The following ANK3 variants were observed in gnomAD, a reference collection of about 807,000 sequenced individuals.
ANK3 encodes the protein ankyrin-3.
In ANK3, 57 loss-of-function variants were observed where a neutral mutation model predicts 370.9. The ratio of observed to expected loss-of-function variants is 0.15; its 90% CI spans 0.12 to 0.19. ANK3 has a LOEUF of 0.19. Ranked by LOEUF, ANK3 falls within the 10% of genes least tolerant of loss-of-function variation. ANK3 has a pLI of 1.00. For missense variants in ANK3, 4,439 were observed against 5,302.1 expected (o/e 0.84, Z 5.06); for synonymous variants, 1,929 against 1,946.3 (o/e 0.99, Z 0.23).
intron 1 of ANK3, among the ~76,000 whole-genome samples, chr10:60,331,344 G>T (rs770984041): frequency 1.3e-4 from 19 of 151,788 alleles, no homozygotes; most frequent in Non-Finnish European, 1.9e-4. Flanking sequence ...AAATAAACAA[G>T]ATCTGGAATT....
intron 13 of ANK3, 71 bp from the exon 14 acceptor site, chr10:60,198,608 GAA>G (rs2096622922): frequency 1.4e-6 from 2 of 1,384,902 alleles, no homozygotes; most frequent in Non-Finnish European, 2.1e-6. Context: ...AAAATTCAGG[GAA>G]TATTAGCTGC....
At chr10:60,156,373 A>G (rs150019330) in intron 23 of ANK3, among the ~76,000 whole-genome samples, 135 of 152,290 alleles carry the variant, frequency 8.9e-4, no homozygotes, top group African/African-American at 3.2e-3. Flanking sequence ...CAATGTCCTG[A>G]TGGGACAAAC....
chr10:60,461,497 G>A (rs1312592223), intron 2 of ANK3, among the ~76,000 whole-genome samples: 1 of 152,118 alleles, frequency 6.6e-6, no homozygotes, highest in Non-Finnish European at 1.5e-5. Flanking sequence ...CAAGCAGGGT[G>A]AATAAAGACG....
chr10:60,398,564 T>C (rs568599930), intron 2 of ANK3, among the ~76,000 whole-genome samples: 53 of 152,278 alleles, frequency 3.5e-4, no homozygotes, highest in African/African-American at 1.2e-3. Flanking sequence ...TTGAACATGA[T>C]CACTGACATT....
At chr10:60,088,553 G>A (rs1298094380) in intron 28 of ANK3, among the ~76,000 whole-genome samples, 195 bp from the exon 29 acceptor site, 1 of 152,096 alleles carries the variant, frequency 6.6e-6, no homozygotes, top group Non-Finnish European at 1.5e-5. Flanking sequence ...AGCCTCCCAA[G>A]TAGCTGGGAT....
intron 1 of ANK3, among the ~76,000 whole-genome samples, chr10:60,326,482 T>C (rs2049897629): frequency 6.6e-6 from 1 of 152,104 alleles, no homozygotes; most frequent in African/African-American, 2.4e-5. Flanking sequence ...GTATCTATCA[T>C]TGCTTTTTTT....
At chr10:60,167,725 A>T (rs2095660183) in intron 21 of ANK3, among the ~76,000 whole-genome samples, 1 of 152,050 alleles carries the variant, frequency 6.6e-6, no homozygotes, top group African/African-American at 2.4e-5. Context: ...AAGGGAAGAT[A>T]CACGTTTAAA....
At position 60,198,549 on chromosome 10, in the gene ANK3, G is replaced by T. The variant is rs41283530; in HGVS notation, c.1492-12C>A. 1.3e-3 allele frequency: 2,084 copies of T among 1,612,810 alleles called. 5 individuals are homozygous for T. Among genetic ancestry groups the T allele is most frequent in the Middle Eastern group, 1.5e-3 (9 of 6,038 alleles). ...GGTGTTTGGTCATCCTAAACAGCAA[G>T]GTAGAAATGTAAGGCTGATGAGCTG... On this transcript the variant is annotated splice_polypyrimidine_tract_variant and intron_variant, in intron 13 of 43. Coordinates refer to ENST00000280772, the MANE Select transcript of ANK3 (RefSeq NM_020987.5).
intron 1 of ANK3, among the ~76,000 whole-genome samples, chr10:60,291,680 C>T (rs2041432985): frequency 6.6e-6 from 1 of 152,046 alleles, no homozygotes; most frequent in African/African-American, 2.4e-5. Context: ...AAGTACCTAA[C>T]CCAAGATGTG....
intron 1 of ANK3, among the ~76,000 whole-genome samples, chr10:60,665,165 A>G (rs1018737424): frequency 5.9e-5 from 9 of 152,296 alleles, no homozygotes; most frequent in African/African-American, 2.2e-4. Context: ...TAAAATGAGG[A>G]CAATACCTTC....
At position 60,577,771 on chromosome 10, in the gene ANK3, T is replaced by A. The variant is rs575617310; in HGVS notation, c.96+37415A>T. Among the ~76,000 whole-genome samples the A allele has an allele frequency of 1.4e-3, 212 of 152,350 alleles. 2 individuals carry two copies. The highest frequency in any genetic ancestry group is 4.7e-4 in the Non-Finnish European group (32 of 68,026). On this transcript the variant is annotated intron_variant, in intron 2 of 43. Coordinates refer to the ANK3 transcript ENST00000373827. The stretch of plus-strand genomic sequence containing the variant: ...TTATAAAATGTCTTGGTATTTTTAA[T>A]GTGATGAAAGCATCTGAAGAAACAT...
intron 18 of ANK3, among the ~76,000 whole-genome samples, chr10:60,180,213 A>G (rs1054785697): frequency 1.3e-5 from 2 of 152,228 alleles, no homozygotes; most frequent in African/African-American, 4.8e-5. Flanking sequence ...ATATGCCCAT[A>G]TACCTCAGAA....
At chr10:60,419,693 T>C (rs1027764367) in intron 2 of ANK3, among the ~76,000 whole-genome samples, 3 of 152,198 alleles carry the variant, frequency 2.0e-5, no homozygotes, top group Non-Finnish European at 2.9e-5. Context: ...GCCTGCCTTC[T>C]GATTTCTAAT....
At chr10:60,254,028 C>G (rs1040679672) in intron 7 of ANK3, among the ~76,000 whole-genome samples, 13 of 152,084 alleles carry the variant, frequency 8.5e-5, no homozygotes, top group African/African-American at 2.4e-4. Context: ...GGATTGGTTA[C>G]AAGACTCCTG....
At chr10:60,719,810 T>C (rs2079838687) in intron 1 of ANK3, among the ~76,000 whole-genome samples, 1 of 152,222 alleles carries the variant, frequency 6.6e-6, no homozygotes, top group South Asian at 2.1e-4. Flanking sequence ...TACTTGGTTA[T>C]ACATTTTATA....
chr10:60,052,880 A>G (rs1344226997), intron 42 of ANK3, among the ~76,000 whole-genome samples: 1 of 151,940 alleles, frequency 6.6e-6, no homozygotes, highest in Non-Finnish European at 1.5e-5. Flanking sequence ...GGTGTTAGAT[A>G]AAATGCTTTA....
At chr10:60,227,670 AT>A (rs949421960) in intron 8 of ANK3, among the ~76,000 whole-genome samples, 14 of 151,764 alleles carry the variant, frequency 9.2e-5, no homozygotes, top group African/African-American at 3.1e-4. Context: ...AAGTCCTCCA[AT>A]TTTTTTCTTC....
intron 2 of ANK3, among the ~76,000 whole-genome samples, chr10:60,420,590 T>C (rs1555370627): frequency 6.7e-6 from 1 of 148,608 alleles, no homozygotes; most frequent in Non-Finnish European, 1.5e-5. Flanking sequence ...GGGCATATAT[T>C]AAAAAAAAAA....
At chr10:60,152,015 CTTGT>C (rs3045377) in intron 23 of ANK3, among the ~76,000 whole-genome samples, 40,649 of 151,770 alleles carry the variant, frequency 0.27, 5,794 homozygotes, top group Non-Finnish European at 0.33. Context: ...TGGTAAATAC[CTTGT>C]TTCTGATGGT....
Sources: allele counts gnomAD v4.1 joint callset (sites outside exome capture counted in the v4.1 genomes callset), GRCh38; gene constraint gnomAD v4.1.1; transcripts MANE v1.5; gene names NCBI Gene and HGNC (gene_info 2026-07-23, HGNC 2026-07-21).